The following TM2D2 variants were observed in gnomAD, a reference collection of about 807,000 sequenced individuals.
TM2D2 encodes the protein TM2 domain-containing protein 2.
A neutral mutation model predicts 23.0 loss-of-function variants in TM2D2; 19 were observed. The ratio of observed to expected loss-of-function variants is 0.82; its 90% CI spans 0.58 to 1.21. The LOEUF is 1.21. Among genes scored for constraint, TM2D2 ranks in the 50% most tolerant of loss-of-function variants. The probability of loss-of-function intolerance (pLI) is 0.00; values close to 1 mark genes in which losing one functional copy is unlikely to be tolerated. For missense variants in TM2D2, 246 were observed against 265.4 expected (o/e 0.93, Z 0.51); for synonymous variants, 120 against 108.8 (o/e 1.10, Z -0.64).
chr8:38,993,002 G>A (rs927274011), intron 3 of TM2D2, among the ~76,000 whole-genome samples: 1 of 152,092 alleles, frequency 6.6e-6, no homozygotes, highest in Non-Finnish European at 1.5e-5. Context: ...TCAGAGTGTG[G>A]AGCCTACACT....
rs1835590610 is a variant in TM2D2 at position 38,991,284 on chromosome 8, GA to G, written c.*47del. On this transcript the variant is annotated 3_prime_UTR_variant, in exon 4 of 4. Coordinates refer to ENST00000456397, the MANE Select transcript of TM2D2 (RefSeq NM_078473.3). ...TTTTGAGCCTGTAGAGATGAATTCA[GA>G]AGACGGAGCTTTCACCCGCCTCCCT... is the stretch of plus-strand genomic sequence containing the variant. 1 of 1,482,638 alleles carries G rather than the reference GA, an allele frequency of 6.7e-7. No homozygotes were observed. The highest frequency in any genetic ancestry group is 9.3e-7 in the Non-Finnish European group (1 of 1,071,484). The allele number at this position is 1,482,638 out of a possible 1,614,324, so 91.8% of individuals were successfully genotyped here. A position where few individuals can be genotyped will look rare whatever the true frequency, so the allele number is the denominator to read the frequency against.
At chr8:38,991,695 G>A in intron 3 of TM2D2, 150 bp from the exon 4 acceptor site, 1 of 672,372 alleles carries the variant, frequency 1.5e-6, no homozygotes, top group Admixed American at 2.5e-5. Flanking sequence ...GATATGGTCA[G>A]TGAGGTGAGA....
At chr8:38,992,292 C>CCTG (rs1835624197) in intron 3 of TM2D2, among the ~76,000 whole-genome samples, 1 of 123,364 alleles carries the variant, frequency 8.1e-6, no homozygotes, top group African/African-American at 3.1e-5. Flanking sequence ...ATAGCGAGAC[C>CCTG]CTGTTTCTAC....
intron 3 of TM2D2, among the ~76,000 whole-genome samples, chr8:38,991,846 T>C (rs183924896): frequency 4.6e-5 from 7 of 152,212 alleles, no homozygotes; most frequent in East Asian, 3.9e-4. Context: ...ACTATCTTCA[T>C]TGGGGTTTCT....
Position 38,993,573 on chromosome 8 carries a change from A to G in TM2D2, c.403T>C (p.Phe135Leu), listed in dbSNP as rs76108059. 6.2e-7 allele frequency: 1 copy of G among 1,613,704 alleles called. No individual in the cohort carries two copies. The highest frequency in any genetic ancestry group is 8.5e-7 in the Non-Finnish European group (1 of 1,179,690). The part of the protein sequence containing the change: ...DGIECASPRT[F>L]LRENKPCIKY... ...ATACAAGGTTTATTTTCTCGTAGAA[A>G]GGTCCTAGGACTGGCACACTCAATT... The change falls in exon 3 of 4, where the codon TTT becomes CTT. Residue 135 changes from phenylalanine (F) to leucine (L), a missense_variant. Around this residue, in one of 2 missense-constraint regions of TM2D2, gnomAD observed 212 missense variants for 202.2 expected, o/e 1.05. Coordinates refer to ENST00000456397, the MANE Select transcript of TM2D2 (RefSeq NM_078473.3).
At chr8:38,991,633 C>G in intron 3 of TM2D2, 88 bp from the exon 4 acceptor site, 1 of 977,066 alleles carries the variant, frequency 1.0e-6, no homozygotes, top group Non-Finnish European at 1.6e-6. Flanking sequence ...AGTGATGAGA[C>G]AGTGCAGTGG....
chr8:38,990,502 T>C lies in TM2D2; in HGVS notation c.*830A>G, dbSNP rs1835571179. The C allele has an allele frequency of 4.6e-5, 7 of 152,242 alleles. 1 individual carries two copies. In the South Asian group the frequency reaches 1.4e-3, roughly 31 times the overall value. The allele number at this position is 152,242 out of a possible 1,614,324, so 9.4% of individuals were successfully genotyped here. On this transcript the variant is annotated 3_prime_UTR_variant, in exon 4 of 4. Transcript: ENST00000456397. The stretch of plus-strand genomic sequence containing the variant: ...TGCTGCAGCCCACAGGGAGAGCTAA[T>C]CATGAAGAATAGTTTTACAGAAACT...
chr8:38,994,875 G>A (rs1457945165), intron 2 of TM2D2, among the ~76,000 whole-genome samples: 1 of 152,206 alleles, frequency 6.6e-6, no homozygotes, highest in Admixed American at 6.5e-5. Context: ...CTACGGACAT[G>A]GTGGAACCTG....
chr8:38,991,329 TTC>T lies in TM2D2; in HGVS notation c.*1_*2del. On this transcript the variant is annotated 3_prime_UTR_variant, in exon 4 of 4. Coordinates refer to ENST00000456397, the MANE Select transcript of TM2D2 (RefSeq NM_078473.3). ...CCTCCCTGGGCCATGATGGCAGCTC[TTC>T]TTAGTAAACAGTGCACCAGTTGCTG... is the stretch of plus-strand genomic sequence containing the variant. 2 of 1,613,436 alleles carry T rather than the reference TTC, an allele frequency of 1.2e-6. No homozygotes were observed. Among genetic ancestry groups the T allele is most frequent in the African/African-American group, 2.7e-5 (2 of 74,918 alleles).
intron 3 of TM2D2, among the ~76,000 whole-genome samples, chr8:38,992,890 G>A (rs1564192884): frequency 6.6e-6 from 1 of 152,200 alleles, no homozygotes; most frequent in Non-Finnish European, 1.5e-5. Flanking sequence ...TGACACAGCT[G>A]CAGTTACCCT....
chr8:38,989,777 T>A lies in TM2D2; in HGVS notation c.*1555A>T, dbSNP rs1188169705. 1 of 151,702 alleles carries A rather than the reference T, an allele frequency of 6.6e-6. No individual in the cohort carries two copies. The highest frequency in any genetic ancestry group is 2.4e-5 in the African/African-American group (1 of 41,026). The allele number at this position is 151,702 out of a possible 1,614,324, so 9.4% of individuals were successfully genotyped here. A position where few individuals can be genotyped will look rare whatever the true frequency, so the allele number is the denominator to read the frequency against. ...ATGTTTTTTAGACTTCCCTTAGAAA[T>A]TTTTTTAAAATATACATATGGCATC... On this transcript the variant is annotated 3_prime_UTR_variant, in exon 4 of 4. Coordinates refer to ENST00000456397, the MANE Select transcript of TM2D2 (RefSeq NM_078473.3).
chr8:38,991,581 G>A (rs1835602315), intron 3 of TM2D2, 36 bp from the exon 4 acceptor site: 2 of 1,516,602 alleles, frequency 1.3e-6, no homozygotes, highest in Non-Finnish European at 1.8e-6. Context: ...ATGTTTTACT[G>A]CACGAAAATT....
At chr8:38,992,463 G>A (rs1440131640) in intron 3 of TM2D2, among the ~76,000 whole-genome samples, 3 of 150,156 alleles carry the variant, frequency 2.0e-5, no homozygotes, top group African/African-American at 7.4e-5. Context: ...TCCAGCCTGG[G>A]CAATGGAACA....
chr8:38,996,934 CG>C, upstream of TM2D2: 1 of 1,399,124 alleles, frequency 7.1e-7, no homozygotes, highest in African/African-American at 1.6e-5. Flanking sequence ...GCGTGCTCGT[CG>C]GGCGCGCGTG....
chr8:38,994,766 AG>A (rs1835703577), intron 2 of TM2D2, among the ~76,000 whole-genome samples: 1 of 152,228 alleles, frequency 6.6e-6, no homozygotes, highest in African/African-American at 2.4e-5. Flanking sequence ...AAACCTTAAT[AG>A]CGTTTTTCCA....
rs1835605942 is a variant in TM2D2, at chr8:38,991,673, GTTTTC to G, written c.432-133_432-129del. ...TCTGTGGCCTTTTACCCTCCATTTT[GTTTTC>G]TTTTATGATATGGTCAGTGAGGTGA... On this transcript the variant is annotated intron_variant, in intron 3 of 3. Coordinates refer to ENST00000456397, the MANE Select transcript of TM2D2 (RefSeq NM_078473.3). 4.0e-6 allele frequency: 3 copies of G among 743,072 alleles called. No individual in the cohort carries two copies. In the East Asian group the frequency reaches 8.1e-5, roughly 20 times the overall value. 46.0% of individuals were successfully genotyped at this position (743,072 alleles called of 1,614,324 possible).
rs757537446 is a variant in TM2D2, at chr8:38,996,260, G to C, written c.180C>G (p.Ser60Arg). 6.2e-7 allele frequency: 1 copy of C among 1,613,800 alleles called. No individual in the cohort carries two copies. Among genetic ancestry groups the C allele is most frequent in the Non-Finnish European group, 8.5e-7 (1 of 1,180,004 alleles). The change falls in exon 1 of 4, where the codon AGC (serine) becomes AGG (arginine). Residue 60 changes from serine to arginine, a missense_variant. Ser to Arg is a moderately radical substitution (Grantham distance 110, BLOSUM62 -1). This residue lies in a region of TM2D2 where 212 missense variants were observed against 202.2 expected (regional missense o/e 1.05). Transcript: ENST00000456397. ...AQPEGPGGAASWEYGDPHSPV... is the reference protein window; with the variant it reads ...AQPEGPGGAARWEYGDPHSPV... ...GAGAGTGGGGGTCGCCATATTCCCA[G>C]CTCGCAGCACCCCCGGGGCCCTCCG...
At chr8:38,995,902 C>CT (rs1280878867) in intron 1 of TM2D2, 1 of 835,428 alleles carries the variant, frequency 1.2e-6, no homozygotes, top group Non-Finnish European at 1.7e-6. Context: ...AATCGACCGA[C>CT]TAATACTCTC....
rs1835548782 is a variant in TM2D2 at position 38,989,718 on chromosome 8, A to G, written c.*1614T>C. On this transcript the variant is annotated 3_prime_UTR_variant, in exon 4 of 4. Coordinates refer to ENST00000456397, the MANE Select transcript of TM2D2 (RefSeq NM_078473.3). ...ATGAGGCAGGACTTGGTTAGGTGAA[A>G]AGTAGCATCTTATTTTGGGTAATAT... 1 of 152,208 alleles carries G rather than the reference A, an allele frequency of 6.6e-6. No homozygotes were observed. Among genetic ancestry groups the G allele is most frequent in the South Asian group, 2.1e-4 (1 of 4,834 alleles). 9.4% of individuals were successfully genotyped at this position (152,208 alleles called of 1,614,324 possible).
Sources: gnomAD v4.1 joint callset for allele counts (sites outside exome capture counted in the v4.1 genomes callset) on GRCh38, gnomAD v4.1.1 for gene constraint, gnomAD v4.1.1 regional missense constraint, MANE v1.5 for transcripts, NCBI Gene and HGNC (gene_info 2026-07-23, HGNC 2026-07-21) for gene names.